The following ZBTB2 variants were observed in gnomAD, a reference collection of about 807,000 sequenced individuals.
ZBTB2 encodes the protein zinc finger and BTB domain-containing protein 2.
ZBTB2 carries 2 observed loss-of-function variants against 39.5 expected under a neutral mutation model. That is an observed-to-expected ratio of 0.05 (90% CI 0.02 to 0.16). The LOEUF is 0.16. Ranked by LOEUF, ZBTB2 falls within the 10% of genes least tolerant of loss-of-function variation. ZBTB2 has a pLI of 1.00. For missense variants in ZBTB2, 391 were observed against 653.0 expected, an observed-to-expected ratio of 0.60 and a Z score of 4.37; for synonymous variants, 251 against 256.6, an observed-to-expected ratio of 0.98 and a Z score of 0.21.
chr6:151,376,680 A>C (rs1243233185), intron 1 of ZBTB2, among the ~76,000 whole-genome samples: 1 of 152,220 alleles, frequency 6.6e-6, no homozygotes, highest in East Asian at 1.9e-4. Context: ...GGCTAAAATA[A>C]GAAACAGTCA....
Position 151,365,228 on chromosome 6 carries a change from C to T in ZBTB2, c.*293G>A. The T allele has an allele frequency of 1.4e-5, 4 of 284,500 alleles. No homozygotes were observed. Among genetic ancestry groups the T allele is most frequent in the Non-Finnish European group, 1.3e-5 (2 of 150,672 alleles). 17.6% of individuals were successfully genotyped at this position (284,500 alleles called of 1,614,324 possible). On this transcript the variant is annotated 3_prime_UTR_variant, in exon 3 of 3. Transcript: ENST00000325144. The surrounding 1 kb of genome is among the most constrained non-coding windows in gnomAD (Gnocchi z 5.6). ...GGATTCCAGTTGTTTTATTATATAC[C>T]CTTCATTAGTTCCAAGTATGCTTCT...
chr6:151,389,653 A>T (rs1235064086), intron 1 of ZBTB2, among the ~76,000 whole-genome samples: 1 of 152,228 alleles, frequency 6.6e-6, no homozygotes, highest in Non-Finnish European at 1.5e-5. Flanking sequence ...CAAGGCTCAC[A>T]AACTCAGTGG....
rs915532382 is a variant in ZBTB2 at position 151,377,534 on chromosome 6, A to G, written c.-12-3885T>C. On this transcript the variant is annotated intron_variant, in intron 1 of 2. Transcript: ENST00000325144. The stretch of plus-strand genomic sequence containing the variant: ...CAGGTGCCCGCGACCATGTCTGGCT[A>G]ATTTTTTTTTTTTTTTTTTTTTTTG... Among the ~76,000 whole-genome samples, 14 of 133,762 alleles carry G rather than the reference A, an allele frequency of 1.0e-4. 1 individual carries two copies. The highest frequency in any genetic ancestry group is 4.3e-4 in the African/African-American group (14 of 32,218). 87.8% of individuals were successfully genotyped at this position (133,762 alleles called of 152,430 possible).
In ZBTB2 at chr6:151,391,065, C is replaced by A. The variant is rs548488967; in HGVS notation, c.-13+355G>T. ...GCCGCCCGCCCTCTCGGCTTCCGTC[C>A]CCTCCCCCTCCCACAAAACCCCGGA... On this transcript the variant is annotated intron_variant, in intron 1 of 2. Transcript: ENST00000325144. 1.8e-3 allele frequency among the ~76,000 whole-genome samples: 262 copies of A among 147,134 alleles called. 1 individual carries two copies. The highest frequency in any genetic ancestry group is 6.3e-3 in the African/African-American group (253 of 40,204).
At chr6:151,390,714 G>A (rs541335485) in intron 1 of ZBTB2, among the ~76,000 whole-genome samples, 58 of 151,916 alleles carry the variant, frequency 3.8e-4, no homozygotes, top group African/African-American at 1.3e-3. Context: ...GCTGGGAGAA[G>A]CGCCAGAGAG....
At chr6:151,373,760 T>A (rs1304766354) in intron 1 of ZBTB2, 111 bp from the exon 2 acceptor site, 2 of 965,072 alleles carry the variant, frequency 2.1e-6, no homozygotes, top group Non-Finnish European at 3.0e-6. Flanking sequence ...AGCTAACGTG[T>A]CAGGCACTGC....
At chr6:151,368,459 TTTTTG>T (rs1215365111) in intron 2 of ZBTB2, among the ~76,000 whole-genome samples, 7 of 142,896 alleles carry the variant, frequency 4.9e-5, no homozygotes, top group African/African-American at 1.8e-4. Context: ...ACTTTGTTGT[TTTTTG>T]TTTTGTTTTG....
chr6:151,391,553 C>G lies in ZBTB2; in HGVS notation c.-146G>C, dbSNP rs1779310094. 1 of 155,162 alleles carries G rather than the reference C, an allele frequency of 6.4e-6. No homozygotes were observed. Among genetic ancestry groups the G allele is most frequent in the African/African-American group, 2.4e-5 (1 of 40,836 alleles). The allele number at this position is 155,162 out of a possible 1,614,324, so 9.6% of individuals were successfully genotyped here. A position where few individuals can be genotyped will look rare whatever the true frequency, so the allele number is the denominator to read the frequency against. On this transcript the variant is annotated 5_prime_UTR_variant, in exon 1 of 3. Coordinates refer to ENST00000325144, the MANE Select transcript of ZBTB2 (RefSeq NM_020861.3). Reference sequence around the variant, plus strand: ...GCTGCTGCCGCCGCGGTCGGTGTCTCCGGCGCGGCGGCGGCGGCGGCGGCG... The same window carrying G: ...GCTGCTGCCGCCGCGGTCGGTGTCTGCGGCGCGGCGGCGGCGGCGGCGGCG...
intron 2 of ZBTB2, among the ~76,000 whole-genome samples, chr6:151,373,185 A>T (rs1018377659): frequency 6.8e-6 from 1 of 147,328 alleles, no homozygotes; most frequent in Non-Finnish European, 1.5e-5. Context: ...AAAAAAAAAA[A>T]AAAAAATGGA....
chr6:151,384,486 C>T (rs1057475011), intron 1 of ZBTB2, among the ~76,000 whole-genome samples: 1 of 152,112 alleles, frequency 6.6e-6, no homozygotes, highest in Non-Finnish European at 1.5e-5. Context: ...AGGAAATTGA[C>T]AGGATTCAAA....
intron 1 of ZBTB2, among the ~76,000 whole-genome samples, chr6:151,389,007 CTT>C (rs1779224639): frequency 6.6e-6 from 1 of 152,252 alleles, no homozygotes; most frequent in East Asian, 1.9e-4. Context: ...ACTTCTTGTA[CTT>C]ACGATGGCTT....
At chr6:151,369,790 T>C (rs1320302385) in intron 2 of ZBTB2, among the ~76,000 whole-genome samples, 2 of 152,082 alleles carry the variant, frequency 1.3e-5, no homozygotes, top group Admixed American at 6.5e-5. Flanking sequence ...CTGGCCAACA[T>C]GGCAAAACCC....
chr6:151,365,784 G>A lies in ZBTB2; in HGVS notation c.1282C>T (p.Leu428Phe). ...TGACTCCCTTCCTCAAATGTGCAGA[G>A]TTCCAGAGTCTGTTTGTCCACCATG... ...YTMVDKQTLE[L>F]CTFEEGSQMD... is the part of the protein sequence containing the mutation. Residue 428 changes from leucine (L) to phenylalanine (F), a missense_variant, in exon 3 of 3, where the codon CTC becomes TTC. Leu to Phe is a conservative substitution (Grantham distance 22, BLOSUM62 0). Transcript: ENST00000325144. This position sits in a 1 kb window ranked among gnomAD's most constrained non-coding sequence, Gnocchi z 5.6. 6.2e-7 allele frequency: 1 copy of A among 1,614,218 alleles called. No individual in the cohort carries two copies. The highest frequency in any genetic ancestry group is 8.5e-7 in the Non-Finnish European group (1 of 1,180,046).
chr6:151,376,155 T>G (rs1778903720), intron 1 of ZBTB2, among the ~76,000 whole-genome samples: 1 of 152,144 alleles, frequency 6.6e-6, no homozygotes, highest in South Asian at 2.1e-4. Flanking sequence ...GACAAAGAAC[T>G]TTGACACTTA....
In ZBTB2 at chr6:151,366,608, T is replaced by C. The variant is rs1344923688; in HGVS notation, c.458A>G (p.Glu153Gly). Residue 153 changes from glutamate (E) to glycine (G), a missense_variant, in exon 3 of 3, where the codon GAA (glutamate) becomes GGA (glycine). Physicochemically the swap from Glu to Gly is moderately conservative, Grantham distance 98 (BLOSUM62 -2). Coordinates refer to ENST00000325144, the MANE Select transcript of ZBTB2 (RefSeq NM_020861.3). This position sits in a 1 kb window ranked among gnomAD's most constrained non-coding sequence, Gnocchi z 7.1. ...TGGCCGTGGATCTCGCCCGAGTTTT[T>C]CAGGTGCTGAAGCAATCTTGGTGGC... ...RQATKIASAPEKLGRDPRPQT... is the reference protein window; with the variant it reads ...RQATKIASAPGKLGRDPRPQT... The C allele has an allele frequency of 6.2e-7, 1 of 1,614,086 alleles. No homozygotes were observed. The highest frequency in any genetic ancestry group is 8.5e-7 in the Non-Finnish European group (1 of 1,180,008).
rs1023753989 is a variant in ZBTB2, at chr6:151,366,756, C to T, written c.310G>A (p.Ala104Thr). 3 of 1,613,940 alleles carry T rather than the reference C, an allele frequency of 1.9e-6. No individual in the cohort carries two copies. Among genetic ancestry groups the T allele is most frequent in the African/African-American group, 1.3e-5 (1 of 74,894 alleles). ...RLEQGIKFLH[A>T]YPLIQEASLA... is the part of the protein sequence containing the mutation. ...CTGGCTTCCTGAATGAGCGGGTAGG[C>T]GTGCAGAAACTTGATGCCCTGTTCT... The change falls in exon 3 of 3, where the codon GCC (alanine) becomes ACC (threonine). Residue 104 changes from alanine to threonine, a missense_variant. By Grantham distance (58) the Ala-to-Thr change is moderately conservative (BLOSUM62 0). Coordinates refer to ENST00000325144, the MANE Select transcript of ZBTB2 (RefSeq NM_020861.3). This position sits in a 1 kb window ranked among gnomAD's most constrained non-coding sequence, Gnocchi z 7.1.
intron 1 of ZBTB2, among the ~76,000 whole-genome samples, chr6:151,389,510 G>C (rs1410431165): frequency 6.6e-6 from 1 of 152,212 alleles, no homozygotes; most frequent in Non-Finnish European, 1.5e-5. Flanking sequence ...GGTTGGCATA[G>C]ATGGATGATT....
chr6:151,381,126 C>A (rs1310013600), intron 1 of ZBTB2, among the ~76,000 whole-genome samples: 2 of 152,138 alleles, frequency 1.3e-5, no homozygotes, highest in African/African-American at 4.8e-5. Flanking sequence ...CCTCACCTCC[C>A]AACTCATCTC....
chr6:151,373,732 T>C, intron 1 of ZBTB2, 83 bp from the exon 2 acceptor site: 1 of 1,300,172 alleles, frequency 7.7e-7, no homozygotes, highest in Non-Finnish European at 1.1e-6. Context: ...GTCATGATCA[T>C]AGCTAACATG....
Sources: gnomAD v4.1 joint callset for allele counts (sites outside exome capture counted in the v4.1 genomes callset) on GRCh38, gnomAD v4.1.1 for gene constraint, Gnocchi (gnomAD v3.1) non-coding constraint, MANE v1.5 for transcripts, NCBI Gene and HGNC (gene_info 2026-07-23, HGNC 2026-07-21) for gene names.